PCGF5: variants seen among roughly 807,000 people sequenced by gnomAD.
PCGF5 encodes polycomb group RING finger protein 5.
Under a neutral mutation model 44.3 loss-of-function variants are expected in PCGF5, and 9 were observed. That is an observed-to-expected ratio of 0.20 (90% CI 0.12 to 0.35). The LOEUF is 0.35. PCGF5 is among the 10% of genes least tolerant of loss of function. The probability of loss-of-function intolerance (pLI) is 1.00; values close to 1 mark genes in which losing one functional copy is unlikely to be tolerated. For synonymous variants in PCGF5, 95 were observed against 102.5 expected, an observed-to-expected ratio of 0.93 and a Z score of 0.44; for missense variants, 146 against 305.3, an observed-to-expected ratio of 0.48 and a Z score of 3.89.
At chr10:91,172,057 T>C (rs1048346558) in intron 1 of PCGF5, among the ~76,000 whole-genome samples, 6 of 152,208 alleles carry the variant, frequency 3.9e-5, no homozygotes, top group Non-Finnish European at 8.8e-5. Context: ...TAGATATATG[T>C]GATTTGCCCA....
chr10:91,261,280 T>C, intron 6 of PCGF5, 46 bp from the exon 7 acceptor site: 1 of 1,419,594 alleles, frequency 7.0e-7, no homozygotes, highest in Non-Finnish European at 9.3e-7. Flanking sequence ...AGATAGAACA[T>C]TTTAACTGGT....
In PCGF5 at chr10:91,214,309, T is replaced by TAAA. The variant is rs71025346; in HGVS notation, c.-183-8368_-183-8366dup. 5.0e-5 allele frequency among the ~76,000 whole-genome samples: 7 copies of TAAA among 139,176 alleles called. No individual in the cohort carries two copies. The East Asian group carries it at 1.2e-3, about 24-fold the overall frequency. The allele number at this position is 139,176 out of a possible 152,430, so 91.3% of individuals were successfully genotyped here. ...AGACTTTGTCTTAAAAAATATATGT[T>TAAA]AAAAAAAAAAAAAAGGAGAGACAGA... On this transcript the variant is annotated intron_variant, in intron 1 of 9. Coordinates refer to the PCGF5 transcript ENST00000614189.
At chr10:91,232,473 T>C (rs972440868) in intron 2 of PCGF5, among the ~76,000 whole-genome samples, 10 of 152,060 alleles carry the variant, frequency 6.6e-5, no homozygotes, top group Admixed American at 6.6e-4. Context: ...ATAAGGGAAG[T>C]AGGGTCAACA....
chr10:91,238,581 ATTTC>A (rs1213535596), intron 2 of PCGF5, among the ~76,000 whole-genome samples: 86 of 73,238 alleles, frequency 1.2e-3, no homozygotes, highest in South Asian at 2.2e-3. Flanking sequence ...CTCCACTCTC[ATTTC>A]TTTCTTTCTT....
At chr10:91,222,586 A>C in intron 1 of PCGF5, 103 bp from the exon 2 acceptor site, 1 of 470,146 alleles carries the variant, frequency 2.1e-6, no homozygotes, top group Non-Finnish European at 3.7e-6. Flanking sequence ...CTATTCACCC[A>C]ATTGGGAACA....
At chr10:91,178,573 A>G (rs762179449) in intron 1 of PCGF5, among the ~76,000 whole-genome samples, 1 of 151,946 alleles carries the variant, frequency 6.6e-6, no homozygotes, top group Non-Finnish European at 1.5e-5. Flanking sequence ...AAATTTTTGT[A>G]GAGACAGGGT....
intron 1 of PCGF5, among the ~76,000 whole-genome samples, chr10:91,170,011 A>T (rs1041394248): frequency 3.3e-5 from 5 of 152,244 alleles, no homozygotes; most frequent in African/African-American, 4.8e-5. Flanking sequence ...AAGGTAATAC[A>T]GTGGAGAAAG....
At chr10:91,175,052 A>G (rs1417494871) in intron 1 of PCGF5, among the ~76,000 whole-genome samples, 1 of 152,200 alleles carries the variant, frequency 6.6e-6, no homozygotes, top group African/African-American at 2.4e-5. Context: ...CTGTATCCCT[A>G]AGAATTCCAG....
At chr10:91,189,760 A>G (rs558528842) in intron 1 of PCGF5, among the ~76,000 whole-genome samples, 1 of 152,338 alleles carries the variant, frequency 6.6e-6, no homozygotes, top group Non-Finnish European at 1.5e-5. Context: ...GGTGGGAAAC[A>G]GTTAAAATCC....
At chr10:91,177,962 A>G (rs1480375096) in intron 1 of PCGF5, among the ~76,000 whole-genome samples, 1 of 152,080 alleles carries the variant, frequency 6.6e-6, no homozygotes, top group Non-Finnish European at 1.5e-5. Flanking sequence ...TGAACCCGGT[A>G]CCTCAGTTGG....
chr10:91,230,190 A>G (rs937439679), intron 2 of PCGF5, among the ~76,000 whole-genome samples: 6 of 152,210 alleles, frequency 3.9e-5, no homozygotes, highest in African/African-American at 4.8e-5. Context: ...GAAATCTTCT[A>G]TATTGACTTA....
chr10:91,223,871 G>A (rs1317415178), intron 2 of PCGF5, among the ~76,000 whole-genome samples: 2 of 152,094 alleles, frequency 1.3e-5, no homozygotes. Flanking sequence ...AACTTGTCTA[G>A]TCTCATAGCT....
intron 1 of PCGF5, among the ~76,000 whole-genome samples, chr10:91,168,529 A>T (rs561934989): frequency 9.7e-4 from 147 of 152,252 alleles, no homozygotes; most frequent in African/African-American, 3.4e-3. Context: ...TTGGGAAGGA[A>T]ATGGAGAAAG....
At chr10:91,168,927 C>CAAAAA in intron 1 of PCGF5, among the ~76,000 whole-genome samples, 1 of 56,522 alleles carries the variant, frequency 1.8e-5, no homozygotes, top group Non-Finnish European at 2.9e-5. Context: ...GACTCCGTCT[C>CAAAAA]AGAAAAAAAA....
At chr10:91,225,419 A>G (rs942050342) in intron 2 of PCGF5, among the ~76,000 whole-genome samples, 1 of 151,596 alleles carries the variant, frequency 6.6e-6, no homozygotes, top group Non-Finnish European at 1.5e-5. Context: ...GTGGCCATCA[A>G]GCCCTTTTAC....
chr10:91,231,875 G>A (rs1326566599), intron 2 of PCGF5, among the ~76,000 whole-genome samples: 1 of 152,202 alleles, frequency 6.6e-6, no homozygotes, highest in Non-Finnish European at 1.5e-5. Context: ...GATAGGTTTT[G>A]AAGGTAAATT....
At chr10:91,275,449 T>TA (rs200646588) in intron 9 of PCGF5, among the ~76,000 whole-genome samples, 14 of 151,626 alleles carry the variant, frequency 9.2e-5, no homozygotes, top group Admixed American at 8.5e-4. Context: ...CATTTTATTT[T>TA]TTTTTTTTTT....
At chr10:91,169,586 A>C (rs1329886636) in intron 1 of PCGF5, among the ~76,000 whole-genome samples, 1 of 152,260 alleles carries the variant, frequency 6.6e-6, no homozygotes, top group East Asian at 1.9e-4. Flanking sequence ...AATATGTATA[A>C]AATCTATGTG....
At chr10:91,192,119 C>A (rs1463783903) in intron 1 of PCGF5, among the ~76,000 whole-genome samples, 28 of 152,118 alleles carry the variant, frequency 1.8e-4, no homozygotes, top group Admixed American at 1.8e-3. Flanking sequence ...TGGCTGAAGG[C>A]AATTAGTAGT....
Sources: gnomAD v4.1 joint callset for allele counts (sites outside exome capture counted in the v4.1 genomes callset) on GRCh38, gnomAD v4.1.1 for gene constraint, MANE v1.5 for transcripts, NCBI Gene and HGNC (gene_info 2026-07-23, HGNC 2026-07-21) for gene names.